ZNF773: variants seen among roughly 807,000 people sequenced by gnomAD.
ZNF773 encodes the protein zinc finger protein 773.
ZNF773 carries 11 observed loss-of-function variants against 12.8 expected under a neutral mutation model. That is an observed-to-expected ratio of 0.86 (90% CI 0.54 to 1.42). The LOEUF is 1.42. Among genes scored for constraint, ZNF773 ranks in the 40% most tolerant of loss-of-function variants. The pLI is 0.00. For missense variants in ZNF773, 518 were observed against 527.2 expected (o/e 0.98, Z 0.17); for synonymous variants, 175 against 178.4 (o/e 0.98, Z 0.15).
chr19:57,502,937 C>G (rs563226162), intron 1 of ZNF773, among the ~76,000 whole-genome samples: 1 of 152,144 alleles, frequency 6.6e-6, no homozygotes, highest in Admixed American at 6.5e-5. Context: ...ATGATCCGCC[C>G]GCTTTGGCCT....
chr19:57,503,592 G>T (rs566804140), intron 1 of ZNF773, among the ~76,000 whole-genome samples: 11 of 151,856 alleles, frequency 7.2e-5, no homozygotes, highest in Admixed American at 5.9e-4. Flanking sequence ...TCAGGCTGCT[G>T]GATTAGCTCA....
At chr19:57,508,275 C>A, downstream of ZNF773, 1 of 1,215,840 alleles carries the variant, frequency 8.2e-7, no homozygotes, top group Non-Finnish European at 1.0e-6. Flanking sequence ...ATTGTTCCTC[C>A]TGAGAAAATA....
intron 1 of ZNF773, among the ~76,000 whole-genome samples, chr19:57,501,314 C>T (rs1345609969): frequency 2.8e-5 from 4 of 144,958 alleles, no homozygotes; most frequent in African/African-American, 1.0e-4. Context: ...GAATTCTGCT[C>T]TTGTGATCTG....
downstream of ZNF773, chr19:57,512,875 G>A (rs776135882): frequency 4.6e-5 from 37 of 806,658 alleles, no homozygotes; most frequent in African/African-American, 2.5e-4. Context: ...CAACTGTTAC[G>A]TCTTCCTCTC....
chr19:57,511,719 TCACACACA>T (rs547784597), downstream of ZNF773, among the ~76,000 whole-genome samples: 9 of 143,250 alleles, frequency 6.3e-5, no homozygotes, highest in Non-Finnish European at 1.2e-4. Context: ...AAGCTGTTTT[TCACACACA>T]CACACACACA....
At chr19:57,501,390 C>A (rs1431137420) in intron 1 of ZNF773, among the ~76,000 whole-genome samples, 1 of 151,480 alleles carries the variant, frequency 6.6e-6, no homozygotes, top group African/African-American at 2.4e-5. Context: ...CAGAAACCCA[C>A]ATTTTGAAAA....
chr19:57,508,484 C>T (rs1341445462), downstream of ZNF773: 1 of 697,408 alleles, frequency 1.4e-6, no homozygotes, highest in Non-Finnish European at 2.6e-6. Flanking sequence ...ATGTCCGCTT[C>T]CAGAGACTGA....
downstream of ZNF773, chr19:57,513,216 TTGTC>T (rs2089810368): frequency 1.2e-6 from 1 of 868,918 alleles, no homozygotes; most frequent in Non-Finnish European, 1.6e-6. Flanking sequence ...AGGGCAGAAT[TTGTC>T]TGCTGAAGAG....
downstream of ZNF773, among the ~76,000 whole-genome samples, chr19:57,508,835 G>C (rs2089774701): frequency 6.6e-6 from 1 of 151,328 alleles, no homozygotes; most frequent in South Asian, 2.1e-4. Flanking sequence ...ATCTTCGTTA[G>C]TCAAATGTCA....
chr19:57,515,537 C>G (rs1332886944), downstream of ZNF773: 1 of 152,216 alleles, frequency 6.6e-6, no homozygotes, highest in African/African-American at 2.4e-5. Context: ...CAGCTATGTT[C>G]ATGTGACTAC....
At chr19:57,514,998 C>T (rs2089823066), downstream of ZNF773, 1 of 152,192 alleles carries the variant, frequency 6.6e-6, no homozygotes, top group Non-Finnish European at 1.5e-5. Context: ...ACAATAAAGA[C>T]CTCTGGAGTT....
Position 57,507,247 on chromosome 19 carries a change from A to T in ZNF773, c.1152A>T (p.Glu384Asp). Residue 384 changes from glutamate to aspartate, a missense_variant, in exon 4 of 4, where the codon GAA becomes GAT. Transcript: ENST00000282292. ...AACATCGAAAAGTTCACACTGGAGAAAAACCTTTTAAGTGCAATGAATGTG... is the reference window on the plus strand; with the variant it reads ...AACATCGAAAAGTTCACACTGGAGATAAACCTTTTAAGTGCAATGAATGTG... ...LMQHRKVHTG[E>D]KPFKCNECGR... 1.2e-6 allele frequency: 2 copies of T among 1,610,760 alleles called. No individual in the cohort carries two copies. The highest frequency in any genetic ancestry group is 2.2e-5 in the East Asian group (1 of 44,738).
At chr19:57,516,905 C>G (rs559070900), downstream of ZNF773, 3 of 152,240 alleles carry the variant, frequency 2.0e-5, no homozygotes, top group Non-Finnish European at 4.4e-5. Context: ...GAAACTTGAA[C>G]ATCTCTTCGC....
chr19:57,517,003 T>G (rs566702679), downstream of ZNF773: 1 of 152,286 alleles, frequency 6.6e-6, no homozygotes, highest in East Asian at 1.9e-4. Flanking sequence ...GAAAGAGAGG[T>G]CCAATTCAGG....
downstream of ZNF773, chr19:57,518,128 A>G (rs983135086): frequency 2.0e-5 from 3 of 153,152 alleles, no homozygotes; most frequent in African/African-American, 7.2e-5. Context: ...ACTGGAGGCT[A>G]TATGAGCAAA....
chr19:57,513,269 A>G (rs2089811012), downstream of ZNF773: 2 of 444,130 alleles, frequency 4.5e-6, no homozygotes, highest in Admixed American at 9.2e-5. Context: ...TACTTAAACA[A>G]TCTGGTGCTC....
Position 57,505,384 on chromosome 19 carries a change from T to A in ZNF773, c.246T>A (p.Thr82=). Residue 82 remains threonine, a synonymous_variant, in exon 3 of 4, where the codon ACT becomes ACA. Coordinates refer to ENST00000282292, the MANE Select transcript of ZNF773 (RefSeq NM_198542.3). ...EPFMPAWEVV[T]SAILRGSWQG... is the part of the protein sequence containing the mutation. Reference sequence around the variant, plus strand: ...TCATGCCTGCTTGGGAAGTTGTGACTTCAGCCATACTGAGAGGTACTTGGT... The same window carrying A: ...TCATGCCTGCTTGGGAAGTTGTGACATCAGCCATACTGAGAGGTACTTGGT... The A allele has an allele frequency of 1.2e-6, 2 of 1,614,132 alleles. No individual in the cohort carries two copies. Among genetic ancestry groups the A allele is most frequent in the Non-Finnish European group, 1.7e-6 (2 of 1,180,018 alleles).
downstream of ZNF773, chr19:57,514,974 C>G (rs1236336458): frequency 6.6e-6 from 1 of 152,164 alleles, no homozygotes; most frequent in Non-Finnish European, 1.5e-5. Context: ...ATTTATGGAC[C>G]TAAGCATACT....
rs753516884 is a variant in ZNF773, at chr19:57,507,204, A to C, written c.1109A>C (p.Gln370Pro). Reference protein sequence around the residue: ...ECSECGKFFSQSSSLMQHRKV... With the variant: ...ECSECGKFFSPSSSLMQHRKV... ...AGTGAATGTGGGAAATTTTTTAGCC[A>C]AAGCTCAAGCCTCATGCAACATCGA... The change falls in exon 4 of 4, where the codon CAA becomes CCA. Residue 370 changes from glutamine to proline, a missense_variant. By Grantham distance (76) the Gln-to-Pro change is moderately conservative. Coordinates refer to ENST00000282292, the MANE Select transcript of ZNF773 (RefSeq NM_198542.3). 1.9e-6 allele frequency: 3 copies of C among 1,614,190 alleles called. No homozygotes were observed. Among genetic ancestry groups the C allele is most frequent in the Non-Finnish European group, 8.5e-7 (1 of 1,180,016 alleles).
Sources: gnomAD v4.1 joint callset for allele counts (sites outside exome capture counted in the v4.1 genomes callset) on GRCh38, gnomAD v4.1.1 for gene constraint, MANE v1.5 for transcripts, NCBI Gene and HGNC (gene_info 2026-07-23, HGNC 2026-07-21) for gene names.